Variants in PEAK1 observed in about 807,000 individuals in gnomAD.
PEAK1 encodes the protein pseudopodium enriched atypical kinase 1.
In PEAK1, 54 loss-of-function variants were observed where a neutral mutation model predicts 124.7. The observed-to-expected ratio is 0.43, with a 90% CI of 0.35 to 0.54. The LOEUF (loss-of-function observed/expected upper bound fraction) is 0.54. Among genes scored for constraint, PEAK1 ranks in the 20% least tolerant of loss-of-function variants. The probability of loss-of-function intolerance (pLI) is 0.01; values close to 1 mark genes in which losing one functional copy is unlikely to be tolerated. For missense variants in PEAK1, 2,046 were observed against 2,134.5 expected (o/e 0.96, Z 0.82); for synonymous variants, 719 against 760.0 (o/e 0.95, Z 0.89).
rs143358685 is a variant in PEAK1 at position 77,292,151 on chromosome 15, A to C, written c.-602-5647T>G. ...TATCTGTGGTAGTTATGGTCCATTA[A>C]ATTGTCACAAACACTGAGTTAGTGA... On this transcript the variant is annotated intron_variant, in intron 2 of 9. Transcript: ENST00000682557. Among the ~76,000 whole-genome samples the C allele has an allele frequency of 3.9e-4, 60 of 152,252 alleles. No individual in the cohort carries two copies. The East Asian group carries it at 0.011, about 29-fold the overall frequency.
At chr15:77,317,461 G>A (rs966105753) in intron 2 of PEAK1, among the ~76,000 whole-genome samples, 13 of 152,062 alleles carry the variant, frequency 8.5e-5, no homozygotes, top group African/African-American at 3.1e-4. Flanking sequence ...ATTTATTTTT[G>A]TTTGACATAC....
intron 1 of PEAK1, among the ~76,000 whole-genome samples, chr15:77,387,439 A>T (rs1157769964): frequency 6.6e-6 from 1 of 152,212 alleles, no homozygotes; most frequent in Non-Finnish European, 1.5e-5. Context: ...AAACAGATGG[A>T]TTTGTTGTTC....
intron 7 of PEAK1, among the ~76,000 whole-genome samples, chr15:77,159,753 T>A (rs1052679263): frequency 2.0e-5 from 3 of 152,218 alleles, no homozygotes; most frequent in African/African-American, 7.2e-5. Flanking sequence ...GGTACTTTGT[T>A]TGATCGTGTG....
chr15:77,159,857 T>C (rs532702406), intron 7 of PEAK1, among the ~76,000 whole-genome samples: 5 of 152,312 alleles, frequency 3.3e-5, no homozygotes, highest in African/African-American at 1.2e-4. Flanking sequence ...AAATTATGCA[T>C]GTGCCTGGAC....
At chr15:77,306,433 A>G (rs2064107791) in intron 2 of PEAK1, among the ~76,000 whole-genome samples, 1 of 152,202 alleles carries the variant, frequency 6.6e-6, no homozygotes, top group South Asian at 2.1e-4. Flanking sequence ...TGGATAAGGC[A>G]ACTAGAAAAA....
chr15:77,125,903 G>C (rs2052333997), intron 9 of PEAK1, among the ~76,000 whole-genome samples: 1 of 140,004 alleles, frequency 7.1e-6, no homozygotes, highest in African/African-American at 2.4e-5. Context: ...GTATTATACT[G>C]CCTCCCAGGA....
At chr15:77,383,303 G>A (rs979462514) in intron 1 of PEAK1, among the ~76,000 whole-genome samples, 1 of 152,150 alleles carries the variant, frequency 6.6e-6, no homozygotes, top group African/African-American at 2.4e-5. Context: ...TGGGATTACA[G>A]ACATGAGCTA....
At chr15:77,232,708 G>C (rs1439799969) in intron 6 of PEAK1, among the ~76,000 whole-genome samples, 1 of 152,084 alleles carries the variant, frequency 6.6e-6, no homozygotes, top group East Asian at 1.9e-4. Context: ...TCATCCACTT[G>C]TGACTTCTCA....
chr15:77,418,825 G>A, intron 1 of PEAK1: 2 of 980,118 alleles, frequency 2.0e-6, no homozygotes, highest in Non-Finnish European at 2.4e-6. Flanking sequence ...TTCATTTATC[G>A]GGGGAAAAAA....
At chr15:77,207,803 A>C (rs1488463299) in intron 6 of PEAK1, among the ~76,000 whole-genome samples, 1 of 152,196 alleles carries the variant, frequency 6.6e-6, no homozygotes, top group Admixed American at 6.5e-5. Context: ...TAGAATGTAC[A>C]ACAAAAAGAG....
intron 6 of PEAK1, among the ~76,000 whole-genome samples, chr15:77,188,346 G>GT (rs1446682009): frequency 1.3e-5 from 2 of 152,282 alleles, no homozygotes; most frequent in African/African-American, 4.8e-5. Context: ...TAAGAATCAT[G>GT]TAACAACAAA....
At chr15:77,382,796 A>C (rs1158119770) in intron 1 of PEAK1, among the ~76,000 whole-genome samples, 1 of 152,172 alleles carries the variant, frequency 6.6e-6, no homozygotes, top group East Asian at 1.9e-4. Flanking sequence ...AGCTTCTTAA[A>C]GGGGAATCCA....
At chr15:77,368,809 T>C (rs1283701287) in intron 1 of PEAK1, among the ~76,000 whole-genome samples, 1 of 152,168 alleles carries the variant, frequency 6.6e-6, no homozygotes, top group Non-Finnish European at 1.5e-5. Flanking sequence ...TACGACTATA[T>C]GCAGGGGACT....
Position 77,362,112 on chromosome 15 carries a change from AG to A in PEAK1, c.-603+3050del, listed in dbSNP as rs552707679. ...CATTCTAGTGTTCTATACCACAGTAAGATGACCATAGTTAACAGTAATATGT... is the reference window on the plus strand; with the variant it reads ...CATTCTAGTGTTCTATACCACAGTAAATGACCATAGTTAACAGTAATATGT... On this transcript the variant is annotated intron_variant, in intron 2 of 9. Coordinates refer to ENST00000682557, the MANE Select transcript of PEAK1 (RefSeq NM_001385026.1). Among the ~76,000 whole-genome samples the A allele has an allele frequency of 3.4e-3, 521 of 152,342 alleles. 3 individuals carry two copies. Among genetic ancestry groups the A allele is most frequent in the African/African-American group, 0.012 (494 of 41,568 alleles).
intron 2 of PEAK1, chr15:77,332,267 A>C: frequency 1.0e-6 from 1 of 985,122 alleles, no homozygotes; most frequent in Non-Finnish European, 1.2e-6. Context: ...CCCTGAAACT[A>C]AACAGGAATA....
chr15:77,340,750 A>G (rs1353572206), intron 2 of PEAK1, among the ~76,000 whole-genome samples: 1 of 152,138 alleles, frequency 6.6e-6, no homozygotes, highest in Non-Finnish European at 1.5e-5. Flanking sequence ...ATCCAGTGTT[A>G]GTGTAGACCC....
intron 9 of PEAK1, among the ~76,000 whole-genome samples, chr15:77,127,461 C>T (rs1358209837): frequency 6.6e-6 from 1 of 152,070 alleles, no homozygotes; most frequent in African/African-American, 2.4e-5. Context: ...GCCCAGATAA[C>T]CATGAACAGA....
chr15:77,292,136 AG>A (rs1269199140), intron 2 of PEAK1, among the ~76,000 whole-genome samples: 1 of 152,160 alleles, frequency 6.6e-6, no homozygotes, highest in African/African-American at 2.4e-5. Flanking sequence ...TATCTGTGGT[AG>A]TTATGGTCCA....
intron 6 of PEAK1, among the ~76,000 whole-genome samples, chr15:77,228,136 T>C (rs939948633): frequency 5.9e-5 from 9 of 152,042 alleles, no homozygotes; most frequent in African/African-American, 2.2e-4. Context: ...ATTATTATAC[T>C]ATAAGTTTTA....
Sources: allele counts gnomAD v4.1 joint callset (sites outside exome capture counted in the v4.1 genomes callset), GRCh38; gene constraint gnomAD v4.1.1; transcripts MANE v1.5; gene names NCBI Gene and HGNC (gene_info 2026-07-23, HGNC 2026-07-21).